Variants in RNF212B observed in about 807,000 individuals in gnomAD.
RNF212B encodes ring finger protein 212B, also known as E3 ubiquitin-protein ligase RNF212B.
RNF212B carries 52 observed loss-of-function variants against 55.5 expected under a neutral mutation model. The observed-to-expected ratio is 0.94, with a 90% CI of 0.75 to 1.18. The LOEUF (loss-of-function observed/expected upper bound fraction) is 1.18, where lower values mean the gene tolerates loss of function less well. Ranked by LOEUF, RNF212B falls within the 50% of genes most tolerant of loss-of-function variation. The pLI, the probability that RNF212B is intolerant of heterozygous loss-of-function variation, is 0.00. For missense variants in RNF212B, 289 were observed against 350.4 expected (o/e 0.82, Z 1.40); for synonymous variants, 99 against 121.4 (o/e 0.82, Z 1.21).
intron 3 of RNF212B, among the ~76,000 whole-genome samples, chr14:23,244,069 A>T (rs78592089): frequency 0.012 from 1,780 of 151,762 alleles, 30 homozygotes; most frequent in African/African-American, 0.041. Flanking sequence ...CAACAGCAAA[A>T]CTCTGTCTCA....
chr14:23,197,868 G>T (rs896782954), intron 2 of RNF212B, among the ~76,000 whole-genome samples: 8 of 151,976 alleles, frequency 5.3e-5, no homozygotes, highest in African/African-American at 1.9e-4. Context: ...AGGGAGATAG[G>T]GGTGGGGCCA....
chr14:23,217,969 A>G (rs1286158992), intron 2 of RNF212B, among the ~76,000 whole-genome samples: 1 of 152,130 alleles, frequency 6.6e-6, no homozygotes, highest in African/African-American at 2.4e-5. Flanking sequence ...GTTTTAAGGA[A>G]CTCAAAAAAA....
intron 2 of RNF212B, among the ~76,000 whole-genome samples, chr14:23,219,669 A>G (rs178749): frequency 6.6e-6 from 1 of 151,928 alleles, no homozygotes; most frequent in East Asian, 2.0e-4. Context: ...ATGGGGTTTC[A>G]CCATGTTGGT....
intron 1 of RNF212B, among the ~76,000 whole-genome samples, chr14:23,189,443 A>G (rs540335452): frequency 1.3e-5 from 2 of 152,138 alleles, no homozygotes; most frequent in East Asian, 3.9e-4. Flanking sequence ...CTCCTACATC[A>G]TCAGTTTTTC....
At chr14:23,200,466 C>A (rs973981876) in intron 2 of RNF212B, among the ~76,000 whole-genome samples, 1 of 152,060 alleles carries the variant, frequency 6.6e-6, no homozygotes, top group African/African-American at 2.4e-5. Flanking sequence ...GATGGGATTA[C>A]AGGTGCGTGC....
Position 23,216,562 on chromosome 14 carries a change from C to T in RNF212B, c.-2+23161C>T, listed in dbSNP as rs145305768. On this transcript the variant is annotated intron_variant, in intron 2 of 15. Coordinates refer to the RNF212B transcript ENST00000399910. ...ACAATTTCCAAACAAATAAATTATG[C>T]TAAGTAAAAAAAAAAAAAAATAATA... 2.3e-3 allele frequency among the ~76,000 whole-genome samples: 337 copies of T among 148,138 alleles called. 1 individual carries two copies. The highest frequency in any genetic ancestry group is 8.2e-3 in the African/African-American group (320 of 38,988).
Position 23,264,154 on chromosome 14 carries a change from T to C in RNF212B, c.525-20T>C. Reference sequence around the variant, plus strand: ...ACTAGGTTTTTTGCCTTTTTTTTCTTTTTGTTTCACCTTATACAGTCGGTC... The same window carrying C: ...ACTAGGTTTTTTGCCTTTTTTTTCTCTTTGTTTCACCTTATACAGTCGGTC... On this transcript the variant is annotated intron_variant, in intron 9 of 14. Coordinates refer to ENST00000430154, the MANE Select transcript of RNF212B (RefSeq NM_001282322.3). 1 of 1,520,498 alleles carries C rather than the reference T, an allele frequency of 6.6e-7. No individual in the cohort carries two copies. The highest frequency in any genetic ancestry group is 8.8e-7 in the Non-Finnish European group (1 of 1,135,124). 94.2% of individuals were successfully genotyped at this position (1,520,498 alleles called of 1,614,324 possible). A position where few individuals can be genotyped will look rare whatever the true frequency, so the allele number is the denominator to read the frequency against.
At chr14:23,189,525 G>A (rs940001334) in intron 1 of RNF212B, among the ~76,000 whole-genome samples, 5 of 152,038 alleles carry the variant, frequency 3.3e-5, no homozygotes, top group Non-Finnish European at 5.9e-5. Context: ...CAAACAGGCC[G>A]GACTGGGTGG....
rs1885879630 is a variant in RNF212B at position 23,268,933 on chromosome 14, C to T, written c.644C>T (p.Ser215Leu). The T allele has an allele frequency of 6.5e-7, 1 of 1,550,324 alleles. No homozygotes were observed. Among genetic ancestry groups the T allele is most frequent in the African/African-American group, 1.4e-5 (1 of 73,064 alleles). The change falls in exon 12 of 15, where the codon TCA becomes TTA. Residue 215 changes from serine (S) to leucine (L), a missense_variant. Ser to Leu is a moderately radical substitution (Grantham distance 145). Coordinates refer to ENST00000430154, the MANE Select transcript of RNF212B (RefSeq NM_001282322.3). Reference sequence around the variant, plus strand: ...TTTTTATGCTTTCCAGAAACCCCTTCACCGGCTTCAACTCATAGCCTATCT... The same window carrying T: ...TTTTTATGCTTTCCAGAAACCCCTTTACCGGCTTCAACTCATAGCCTATCT... Reference protein sequence around the residue: ...TPRDSYNETPSPASTHSLSYR... With the variant: ...TPRDSYNETPLPASTHSLSYR...
chr14:23,207,515 T>C (rs1041489299), intron 2 of RNF212B, among the ~76,000 whole-genome samples: 1 of 152,170 alleles, frequency 6.6e-6, no homozygotes, highest in Non-Finnish European at 1.5e-5. Flanking sequence ...CTCCACCAAA[T>C]TTGGGGAGAT....
At chr14:23,189,645 AT>A (rs1877927056) in intron 1 of RNF212B, among the ~76,000 whole-genome samples, 1 of 151,870 alleles carries the variant, frequency 6.6e-6, no homozygotes, top group African/African-American at 2.4e-5. Context: ...TCTACTAAAA[AT>A]TAAAAAAAAA....
chr14:23,272,603 T>C (rs1886188775), intron 14 of RNF212B: 5 of 558,698 alleles, frequency 8.9e-6, no homozygotes, highest in Non-Finnish European at 1.6e-5. Context: ...TTCATCCTTA[T>C]TATTATCACC....
intron 2 of RNF212B, among the ~76,000 whole-genome samples, chr14:23,196,940 A>G (rs1878776182): frequency 1.3e-5 from 2 of 152,100 alleles, no homozygotes; most frequent in Non-Finnish European, 2.9e-5. Context: ...GAGTGATTTT[A>G]TGATTAATGT....
At chr14:23,194,753 A>AAC (rs1878485481) in intron 2 of RNF212B, among the ~76,000 whole-genome samples, 1 of 151,224 alleles carries the variant, frequency 6.6e-6, no homozygotes, top group Non-Finnish European at 1.5e-5. Flanking sequence ...AAAAAAAAAA[A>AAC]AAAACAACGC....
chr14:23,213,335 C>T (rs528484047), intron 2 of RNF212B, among the ~76,000 whole-genome samples: 15 of 151,404 alleles, frequency 9.9e-5, no homozygotes, highest in African/African-American at 3.6e-4. Context: ...AATTATAAAA[C>T]GTTACTGAGA....
At chr14:23,246,599 A>G (rs527840390) in intron 4 of RNF212B, among the ~76,000 whole-genome samples, 1 of 152,282 alleles carries the variant, frequency 6.6e-6, no homozygotes, top group East Asian at 1.9e-4. Context: ...TTTAAAAAAA[A>G]ACAAACAAAA....
chr14:23,260,088 G>A (rs1885184521), intron 6 of RNF212B, 144 bp downstream of exon 6: 2 of 523,200 alleles, frequency 3.8e-6, no homozygotes, highest in African/African-American at 2.0e-5. Flanking sequence ...GCACACTATA[G>A]TAAATGGATG....
intron 2 of RNF212B, among the ~76,000 whole-genome samples, chr14:23,223,275 A>C (rs1039207783): frequency 2.2e-4 from 33 of 152,142 alleles, no homozygotes; most frequent in African/African-American, 7.7e-4. Context: ...CTGGGTATAG[A>C]AGAATGATAC....
chr14:23,212,655 C>T (rs142892649), intron 2 of RNF212B, among the ~76,000 whole-genome samples: 6,216 of 151,908 alleles, frequency 0.041, 429 homozygotes, highest in African/African-American at 0.14. Flanking sequence ...AGTCTCGGCT[C>T]ACTGCAAGCT....
Sources: allele counts gnomAD v4.1 joint callset (sites outside exome capture counted in the v4.1 genomes callset), GRCh38; gene constraint gnomAD v4.1.1; transcripts MANE v1.5; gene names NCBI Gene and HGNC (gene_info 2026-07-23, HGNC 2026-07-21).